The following EYS variants were observed in gnomAD, a reference collection of about 807,000 sequenced individuals.
The protein encoded by EYS is protein eyes shut homolog.
A neutral mutation model predicts 282.1 loss-of-function variants in EYS; 250 were observed. The observed-to-expected ratio is 0.89, with a 90% CI of 0.80 to 0.98. The LOEUF is 0.98. Ranked by LOEUF, EYS falls within the 50% of genes least tolerant of loss-of-function variation. EYS has a pLI of 0.00. For missense variants in EYS, 4,016 were observed against 3,709.0 expected (o/e 1.08, Z -2.15); for synonymous variants, 1,355 against 1,282.9 (o/e 1.06, Z -1.20).
At chr6:65,326,157 C>A (rs1307554718) in intron 11 of EYS, among the ~76,000 whole-genome samples, 3 of 151,994 alleles carry the variant, frequency 2.0e-5, no homozygotes, top group East Asian at 3.9e-4. Flanking sequence ...GGAGTGTATA[C>A]CTTTATAAAT....
intron 5 of EYS, among the ~76,000 whole-genome samples, chr6:65,465,173 GAT>G (rs1372608631): frequency 1.3e-5 from 2 of 152,048 alleles, no homozygotes; most frequent in Non-Finnish European, 2.9e-5. Context: ...GAGATAAAAA[GAT>G]AGCAGAAACC....
intron 12 of EYS, among the ~76,000 whole-genome samples, chr6:65,189,909 A>G (rs1358299279): frequency 6.6e-6 from 1 of 151,858 alleles, no homozygotes; most frequent in East Asian, 1.9e-4. Context: ...GAACAAAGTC[A>G]AAACAAGTTG....
chr6:63,730,985 C>T (rs1449420549), intron 41 of EYS, among the ~76,000 whole-genome samples: 1 of 152,164 alleles, frequency 6.6e-6, no homozygotes, highest in Non-Finnish European at 1.5e-5. Flanking sequence ...CGCACCACTG[C>T]ACTCTAGCCT....
intron 36 of EYS, among the ~76,000 whole-genome samples, chr6:63,835,339 A>C (rs79578227): frequency 0.016 from 2,411 of 150,940 alleles, 38 homozygotes; most frequent in African/African-American, 0.042. Context: ...CTCTCTCTCT[A>C]TATATATATA....
chr6:64,500,591 T>C (rs1469940912), intron 26 of EYS, among the ~76,000 whole-genome samples: 1 of 152,136 alleles, frequency 6.6e-6, no homozygotes, highest in Non-Finnish European at 1.5e-5. Flanking sequence ...GTTCAAAATG[T>C]CTCCAACATG....
At chr6:65,199,600 T>C (rs1216209581) in intron 12 of EYS, among the ~76,000 whole-genome samples, 1 of 152,166 alleles carries the variant, frequency 6.6e-6, no homozygotes, top group Non-Finnish European at 1.5e-5. Context: ...GCAAATATTA[T>C]ATAAGTGATA....
At chr6:64,543,198 T>C (rs948216525) in intron 26 of EYS, among the ~76,000 whole-genome samples, 7 of 152,136 alleles carry the variant, frequency 4.6e-5, no homozygotes, top group South Asian at 2.1e-4. Context: ...GTTACCACAA[T>C]ATCTGGAGCT....
At chr6:64,880,978 G>A (rs967005768) in intron 19 of EYS, among the ~76,000 whole-genome samples, 6 of 150,960 alleles carry the variant, frequency 4.0e-5, no homozygotes, top group Non-Finnish European at 7.4e-5. Flanking sequence ...TCAGAACTTT[G>A]AGAGTTAAAT....
At chr6:64,081,140 T>C (rs894649626) in intron 32 of EYS, among the ~76,000 whole-genome samples, 12 of 152,060 alleles carry the variant, frequency 7.9e-5, no homozygotes, top group Non-Finnish European at 1.6e-4. Context: ...GGCCATACTG[T>C]CCAAGGGATA....
intron 29 of EYS, among the ~76,000 whole-genome samples, chr6:64,310,720 C>T (rs1226771411): frequency 1.3e-5 from 2 of 151,868 alleles, no homozygotes; most frequent in Non-Finnish European, 2.9e-5. Flanking sequence ...CACATGTTCT[C>T]CTGAACTTAA....
Position 64,180,104 on chromosome 6 carries a change from A to G in EYS, c.6424+50488T>C, listed in dbSNP as rs114637723. On this transcript the variant is annotated intron_variant, in intron 31 of 42. Coordinates refer to ENST00000503581, the MANE Select transcript of EYS (RefSeq NM_001142800.2). Reference sequence around the variant, plus strand: ...TAAAGCAGTTCAAGGTTTTTCTATTAATAACACTTTTGATATATTAAAATA... The same window carrying G: ...TAAAGCAGTTCAAGGTTTTTCTATTGATAACACTTTTGATATATTAAAATA... Among the ~76,000 whole-genome samples the G allele has an allele frequency of 6.0e-3, 909 of 152,270 alleles. 11 individuals carry two copies. The highest frequency in any genetic ancestry group is 0.02 in the African/African-American group (849 of 41,560).
At chr6:63,960,059 C>T (rs1490560408) in intron 35 of EYS, among the ~76,000 whole-genome samples, 1 of 151,408 alleles carries the variant, frequency 6.6e-6, no homozygotes, top group Admixed American at 6.6e-5. Flanking sequence ...TTTTGTAAGG[C>T]TATAACTGCC....
intron 31 of EYS, among the ~76,000 whole-genome samples, chr6:64,184,003 C>T (rs891153786): frequency 3.9e-5 from 6 of 152,074 alleles, no homozygotes; most frequent in African/African-American, 1.2e-4. Context: ...TAGATCAGAG[C>T]TTTTATTTCA....
chr6:65,447,371 TAA>T (rs1768712110), intron 5 of EYS, among the ~76,000 whole-genome samples: 1 of 147,056 alleles, frequency 6.8e-6, no homozygotes, highest in South Asian at 2.1e-4. Flanking sequence ...GTTATATATA[TAA>T]ATATATGTAT....
At chr6:65,574,526 A>T (rs1764591386) in intron 2 of EYS, among the ~76,000 whole-genome samples, 1 of 152,202 alleles carries the variant, frequency 6.6e-6, no homozygotes, top group Admixed American at 6.6e-5. Flanking sequence ...ACTCTAAAAC[A>T]AAACAAAGAA....
chr6:65,221,576 G>C (rs1265964327), intron 12 of EYS, among the ~76,000 whole-genome samples: 1 of 152,232 alleles, frequency 6.6e-6, no homozygotes, highest in Non-Finnish European at 1.5e-5. Flanking sequence ...CTGGGCAGAA[G>C]TTTGCTGCAG....
At chr6:64,318,164 C>G (rs773534043) in intron 29 of EYS, among the ~76,000 whole-genome samples, 2 of 151,916 alleles carry the variant, frequency 1.3e-5, no homozygotes, top group South Asian at 4.1e-4. Flanking sequence ...TACTCCAGAA[C>G]TTAGATCATA....
At chr6:65,317,826 C>CAGACAGAG (rs1562093012) in intron 11 of EYS, among the ~76,000 whole-genome samples, 5 of 72,034 alleles carry the variant, frequency 6.9e-5, no homozygotes, top group Admixed American at 1.5e-4. Context: ...TCCTTCCTTC[C>CAGACAGAG]TTTCTTTCTT....
chr6:64,686,838 C>T (rs1269908974), intron 22 of EYS, among the ~76,000 whole-genome samples: 1,295 of 13,396 alleles, frequency 0.097, 165 homozygotes, highest in African/African-American at 0.16. Context: ...TATATATATA[C>T]GTGTATATAT....
Sources: gnomAD v4.1 joint callset for allele counts (sites outside exome capture counted in the v4.1 genomes callset) on GRCh38, gnomAD v4.1.1 for gene constraint, MANE v1.5 for transcripts, NCBI Gene and HGNC (gene_info 2026-07-23, HGNC 2026-07-21) for gene names.